The following TSHZ3 variants were observed in gnomAD, a reference collection of about 807,000 sequenced individuals.
TSHZ3 encodes the protein teashirt zinc finger homeobox 3.
A neutral mutation model predicts 64.5 loss-of-function variants in TSHZ3; 10 were observed. That is an observed-to-expected ratio of 0.16 (90% CI 0.10 to 0.26). TSHZ3 has a LOEUF of 0.26. Among genes scored for constraint, TSHZ3 ranks in the 10% least tolerant of loss-of-function variants. TSHZ3 has a pLI of 1.00. For synonymous variants in TSHZ3, 608 were observed against 593.1 expected (o/e 1.03, Z -0.36); for missense variants, 1,242 against 1,421.7 (o/e 0.87, Z 2.03).
At chr19:31,245,710 G>C (rs904118117) in intron 1 of TSHZ3, among the ~76,000 whole-genome samples, 5 of 152,134 alleles carry the variant, frequency 3.3e-5, no homozygotes, top group African/African-American at 1.2e-4. Flanking sequence ...TCCATACAAA[G>C]CTGGATGCTT....
At chr19:31,202,276 A>C (rs2145150866) in intron 5 of TSHZ3, among the ~76,000 whole-genome samples, 1 of 152,338 alleles carries the variant, frequency 6.6e-6, no homozygotes, top group Non-Finnish European at 1.5e-5. Flanking sequence ...AGAAATCACT[A>C]ATGACAACAC....
intron 4 of TSHZ3, among the ~76,000 whole-genome samples, chr19:31,222,770 C>T (rs554202621): frequency 9.2e-5 from 14 of 152,310 alleles, no homozygotes; most frequent in Admixed American, 2.0e-4. Flanking sequence ...AGTCCATTAG[C>T]TTTGCCCTGG....
intron 5 of TSHZ3, among the ~76,000 whole-genome samples, chr19:31,187,410 T>A (rs1244026914): frequency 6.8e-6 from 1 of 147,742 alleles, no homozygotes; most frequent in Non-Finnish European, 1.5e-5. Flanking sequence ...TTTTTTTTTT[T>A]AATAAGCAGA....
intron 1 of TSHZ3, among the ~76,000 whole-genome samples, chr19:31,264,177 C>T (rs1976018485): frequency 6.6e-6 from 1 of 152,210 alleles, no homozygotes; most frequent in Admixed American, 6.5e-5. Flanking sequence ...CTTCCTCCTG[C>T]AAGCCCTATG....
At chr19:31,301,462 G>C (rs868240929) in intron 1 of TSHZ3, among the ~76,000 whole-genome samples, 1 of 152,154 alleles carries the variant, frequency 6.6e-6, no homozygotes, top group East Asian at 1.9e-4. Flanking sequence ...CAAACACCTC[G>C]CCCTGGTCAC....
At chr19:31,241,866 T>C (rs1422449525) in intron 3 of TSHZ3, among the ~76,000 whole-genome samples, 3 of 152,226 alleles carry the variant, frequency 2.0e-5, no homozygotes, top group Non-Finnish European at 4.4e-5. Flanking sequence ...TTGTGTCTAG[T>C]TTTATAGTTC....
chr19:31,338,655 C>A (rs1197596974), intron 1 of TSHZ3, among the ~76,000 whole-genome samples: 1 of 144,216 alleles, frequency 6.9e-6, no homozygotes, highest in Non-Finnish European at 1.5e-5. Flanking sequence ...GCAACTGCAG[C>A]TCTGTTTATA....
intron 1 of TSHZ3, among the ~76,000 whole-genome samples, chr19:31,300,650 C>T (rs978837192): frequency 3.3e-5 from 5 of 152,112 alleles, no homozygotes; most frequent in African/African-American, 7.2e-5. Flanking sequence ...ATGGAGCTGA[C>T]GCCCCAGCAG....
At chr19:31,283,163 T>A (rs1976395367) in intron 1 of TSHZ3, among the ~76,000 whole-genome samples, 1 of 152,014 alleles carries the variant, frequency 6.6e-6, no homozygotes, top group East Asian at 1.9e-4. Context: ...TAAAACCCCA[T>A]CTCTACTAAA....
intron 5 of TSHZ3, among the ~76,000 whole-genome samples, chr19:31,174,095 A>C (rs1974574918): frequency 6.6e-6 from 1 of 152,192 alleles, no homozygotes; most frequent in South Asian, 2.1e-4. Context: ...AACAAAAAAA[A>C]AAATTGGCTC....
intron 1 of TSHZ3, among the ~76,000 whole-genome samples, chr19:31,323,203 A>G (rs1340235605): frequency 6.6e-6 from 1 of 152,230 alleles, no homozygotes; most frequent in East Asian, 1.9e-4. Context: ...ACCAAAGGCC[A>G]GGCCTCCCTC....
intron 5 of TSHZ3, among the ~76,000 whole-genome samples, chr19:31,177,425 C>A (rs1974628343): frequency 6.6e-6 from 1 of 152,206 alleles, no homozygotes; most frequent in Admixed American, 6.5e-5. Context: ...CCATCCCTTG[C>A]CTTCCCAGCC....
chr19:31,223,305 T>A (rs7255807), intron 4 of TSHZ3, among the ~76,000 whole-genome samples: 2,227 of 152,192 alleles, frequency 0.015, 49 homozygotes, highest in African/African-American at 0.051. Flanking sequence ...TGGGGCCTCA[T>A]GTGTATACCT....
intron 5 of TSHZ3, among the ~76,000 whole-genome samples, chr19:31,159,594 C>A (rs1974347137): frequency 6.6e-6 from 1 of 152,294 alleles, no homozygotes; most frequent in Admixed American, 6.5e-5. Flanking sequence ...TATTGGGCAT[C>A]ACTGCTTCAA....
intron 1 of TSHZ3, among the ~76,000 whole-genome samples, chr19:31,299,475 C>T (rs1423057999): frequency 6.6e-6 from 1 of 152,150 alleles, no homozygotes; most frequent in Non-Finnish European, 1.5e-5. Flanking sequence ...GGGTGTTTTT[C>T]TTCTTGATCA....
At chr19:31,347,472 C>T (rs10418984) in intron 1 of TSHZ3, among the ~76,000 whole-genome samples, 23,361 of 152,054 alleles carry the variant, frequency 0.15, 1,989 homozygotes, top group South Asian at 0.32. Context: ...AAAAAAATTT[C>T]AAAGACTGGA....
chr19:31,336,859 T>C (rs1212639316), intron 1 of TSHZ3, among the ~76,000 whole-genome samples: 2 of 152,174 alleles, frequency 1.3e-5, no homozygotes, highest in Non-Finnish European at 2.9e-5. Context: ...TAATCAGACT[T>C]CTCTCCAGCA....
chr19:31,157,882 T>C (rs915369093), intron 5 of TSHZ3, among the ~76,000 whole-genome samples: 8 of 152,226 alleles, frequency 5.3e-5, no homozygotes, highest in African/African-American at 1.9e-4. Flanking sequence ...CAGGCCTCGA[T>C]GTTTGAGGCA....
intron 4 of TSHZ3, among the ~76,000 whole-genome samples, chr19:31,220,953 A>C (rs1344583005): frequency 6.6e-6 from 1 of 152,214 alleles, no homozygotes; most frequent in Non-Finnish European, 1.5e-5. Context: ...ATCCACCAAA[A>C]GTAGTTACAT....
Sources: gnomAD v4.1 joint callset for allele counts (sites outside exome capture counted in the v4.1 genomes callset) on GRCh38, gnomAD v4.1.1 for gene constraint, MANE v1.5 for transcripts, NCBI Gene and HGNC (gene_info 2026-07-23, HGNC 2026-07-21) for gene names.